The following MROH1 variants were observed in gnomAD, a reference collection of about 807,000 sequenced individuals.
MROH1 encodes the protein maestro heat like repeat family member 1, also known as maestro heat-like repeat-containing protein family member 1.
Under a neutral mutation model 116.5 loss-of-function variants are expected in MROH1, and 117 were observed. That is an observed-to-expected ratio of 1.00 (90% CI 0.86 to 1.17). The LOEUF is 1.17. Ranked by LOEUF, MROH1 falls within the 50% of genes most tolerant of loss-of-function variation. The probability of loss-of-function intolerance (pLI) is 0.00; values close to 1 mark genes in which losing one functional copy is unlikely to be tolerated. For missense variants in MROH1, 1,873 were observed against 1,338.5 expected, an observed-to-expected ratio of 1.40 and a Z score of -6.23; for synonymous variants, 921 against 583.9, an observed-to-expected ratio of 1.58 and a Z score of -8.32.
chr8:144,150,417 ATG>A (rs1236676203), intron 1 of MROH1, among the ~76,000 whole-genome samples: 2 of 152,036 alleles, frequency 1.3e-5, no homozygotes, highest in Admixed American at 1.3e-4. Flanking sequence ...CATTATATAC[ATG>A]TGTGTGTACT....
intron 4 of MROH1, among the ~76,000 whole-genome samples, chr8:144,172,675 C>T (rs547462401): frequency 1.3e-5 from 2 of 152,260 alleles, no homozygotes; most frequent in South Asian, 4.2e-4. Context: ...TCCCAAGGTG[C>T]TGGGATTACA....
chr8:144,203,686 C>G (rs1381291538), intron 12 of MROH1, among the ~76,000 whole-genome samples: 1 of 152,134 alleles, frequency 6.6e-6, no homozygotes, highest in Non-Finnish European at 1.5e-5. Flanking sequence ...GGGCGTGTGG[C>G]AGCCCCACAG....
At position 144,220,935 on chromosome 8, in the gene MROH1, AGTT is replaced by A. The variant is rs563303173; in HGVS notation, c.1215+266_1215+268del. Among the ~76,000 whole-genome samples the A allele has an allele frequency of 1.4e-4, 21 of 152,268 alleles. No individual in the cohort carries two copies. The South Asian group carries it at 4.4e-3, about 32-fold the overall frequency. Reference sequence around the variant, plus strand: ...GGTCCCTAGCCCCTCCTTCAGGCTCAGTTGTTCTCTAGAAGGACCTGGAACTCA... The same window carrying A: ...GGTCCCTAGCCCCTCCTTCAGGCTCAGTTCTCTAGAAGGACCTGGAACTCA... On this transcript the variant is annotated intron_variant, in intron 13 of 43. Coordinates refer to ENST00000326134, the MANE Select transcript of MROH1 (RefSeq NM_032450.3).
At chr8:144,191,230 C>G (rs891876902) in intron 8 of MROH1, among the ~76,000 whole-genome samples, 2 of 152,100 alleles carry the variant, frequency 1.3e-5, no homozygotes, top group Non-Finnish European at 2.9e-5. Flanking sequence ...CCACCACTCC[C>G]GGCTTATTTT....
At chr8:144,199,280 G>T (rs1029803442) in intron 11 of MROH1, 80 bp downstream of exon 11, 10 of 1,435,548 alleles carry the variant, frequency 7.0e-6, no homozygotes, top group Non-Finnish European at 9.6e-6. Flanking sequence ...GGAGGATGGT[G>T]GTGGCTGGGG....
At chr8:144,243,028 T>C (rs1186577540) in intron 24 of MROH1, among the ~76,000 whole-genome samples, 1 of 152,206 alleles carries the variant, frequency 6.6e-6, no homozygotes, top group Non-Finnish European at 1.5e-5. Context: ...CAGTGGAGGC[T>C]CCACTGGCCC....
Position 144,261,660 on chromosome 8 carries a change from C to T in MROH1, c.4846C>T (p.Gln1616Ter). ...VDLDQLIAAL[Q>*]ILLKDPAPEV... ...CCCCCCTCCTCTACCCCCAGCGCTC[C>T]AGATCCTGCTGAAGGACCCGGCCCC... Residue 1616 changes from glutamine (Q) to a stop codon, truncating the protein, a stop_gained, in exon 44 of 44, where the codon CAG becomes TAG. Coordinates refer to ENST00000326134, the MANE Select transcript of MROH1 (RefSeq NM_032450.3). LOFTEE classifies it high-confidence loss of function. The T allele has an allele frequency of 1.4e-6, 1 of 721,344 alleles. No homozygotes were observed. The highest frequency in any genetic ancestry group is 2.5e-6 in the Non-Finnish European group (1 of 396,452). The allele number at this position is 721,344 out of a possible 1,614,324, so 44.7% of individuals were successfully genotyped here.
intron 1 of MROH1, among the ~76,000 whole-genome samples, chr8:144,152,556 T>TTATTTATTTA (rs1249299986): frequency 1.7e-5 from 2 of 121,164 alleles, no homozygotes; most frequent in African/African-American, 1.3e-4. Flanking sequence ...ATTATTATTA[T>TTATTTATTTA]TTTTTTTTTT....
chr8:144,195,318 G>A (rs964871162), intron 10 of MROH1, among the ~76,000 whole-genome samples: 2 of 149,104 alleles, frequency 1.3e-5, no homozygotes, highest in Non-Finnish European at 3.0e-5. Context: ...TCGATAACAC[G>A]GTGAAACCCT....
At chr8:144,156,618 A>G (rs1818157509) in intron 1 of MROH1, among the ~76,000 whole-genome samples, 1 of 146,928 alleles carries the variant, frequency 6.8e-6, no homozygotes, top group South Asian at 2.3e-4. Context: ...CTGAGGCAGA[A>G]GAATCGCTTG....
chr8:144,192,350 C>T lies in MROH1; in HGVS notation c.897C>T (p.Ser299=). 6.2e-7 allele frequency: 1 copy of T among 1,600,110 alleles called. No individual in the cohort carries two copies. The highest frequency in any genetic ancestry group is 8.5e-7 in the Non-Finnish European group (1 of 1,176,238). The part of the protein sequence containing the change: ...QILEAAVSVG[S]RTLETQLDAL... ...TCGAGGCAGCTGTGAGTGTGGGCAG[C>T]CGCACACTGGAGACCCAGCTGGATG... Residue 299 remains serine, a synonymous_variant, in exon 10 of 44, where the codon AGC becomes AGT. Transcript: ENST00000326134.
intron 13 of MROH1, among the ~76,000 whole-genome samples, chr8:144,221,824 T>C (rs1010664275): frequency 2.0e-5 from 3 of 151,902 alleles, no homozygotes; most frequent in African/African-American, 7.3e-5. Flanking sequence ...GAGGAAGTGC[T>C]TGGGGAAGCC....
intron 14 of MROH1, 47 bp downstream of exon 14, chr8:144,223,277 G>A: frequency 1.3e-6 from 2 of 1,556,100 alleles, no homozygotes; most frequent in Non-Finnish European, 8.7e-7. Context: ...CGCTGCCCCT[G>A]GCCTGTGTTA....
chr8:144,242,236 G>A (rs1841136163), intron 22 of MROH1, 133 bp from the exon 23 acceptor site: 1 of 766,970 alleles, frequency 1.3e-6, no homozygotes, highest in Non-Finnish European at 2.4e-6. Context: ...TGCACGGCTG[G>A]GTCACACCTC....
At chr8:144,212,995 C>G in intron 12 of MROH1, 1 of 776,276 alleles carries the variant, frequency 1.3e-6, no homozygotes, top group South Asian at 1.3e-5. Flanking sequence ...GTTACACAGG[C>G]AGCACTAACA....
At chr8:144,152,708 G>A (rs1031357663) in intron 1 of MROH1, among the ~76,000 whole-genome samples, 3 of 151,886 alleles carry the variant, frequency 2.0e-5, no homozygotes, top group Admixed American at 1.3e-4. Flanking sequence ...CACCACACCC[G>A]GCTAATTTTT....
intron 12 of MROH1, among the ~76,000 whole-genome samples, chr8:144,219,009 G>GT (rs1290840365): frequency 4.3e-4 from 57 of 132,496 alleles, no homozygotes; most frequent in Middle Eastern, 3.8e-3. Flanking sequence ...TAATTTTTGT[G>GT]TTTTTTTTTG....
intron 14 of MROH1, among the ~76,000 whole-genome samples, chr8:144,228,111 G>A (rs753373121): frequency 3.4e-5 from 5 of 146,128 alleles, no homozygotes; most frequent in African/African-American, 5.1e-5. Context: ...GGCATATGCC[G>A]GTGGTCCCAG....
At chr8:144,185,045 G>C (rs1198490070) in intron 7 of MROH1, among the ~76,000 whole-genome samples, 1 of 152,222 alleles carries the variant, frequency 6.6e-6, no homozygotes, top group African/African-American at 2.4e-5. Flanking sequence ...GGAGGAGGGG[G>C]AGGCAGGCAG....
Sources: allele counts gnomAD v4.1 joint callset (sites outside exome capture counted in the v4.1 genomes callset), GRCh38; gene constraint gnomAD v4.1.1; transcripts MANE v1.5; gene names NCBI Gene and HGNC (gene_info 2026-07-23, HGNC 2026-07-21).